The following ARHGAP39 variants were observed in gnomAD, a reference collection of about 807,000 sequenced individuals.
ARHGAP39 encodes the protein rho GTPase-activating protein 39.
A neutral mutation model predicts 106.9 loss-of-function variants in ARHGAP39; 44 were observed. The observed-to-expected ratio is 0.41, with a 90% CI of 0.32 to 0.53. The LOEUF is 0.53. Among genes scored for constraint, ARHGAP39 ranks in the 20% least tolerant of loss-of-function variants. The probability of loss-of-function intolerance (pLI) is 0.21; values close to 1 mark genes in which losing one functional copy is unlikely to be tolerated. For synonymous variants in ARHGAP39, 768 were observed against 693.2 expected, an observed-to-expected ratio of 1.11 and a Z score of -1.69; for missense variants, 1,496 against 1,577.3, an observed-to-expected ratio of 0.95 and a Z score of 0.87.
chr8:144,601,960 T>G (rs1819992103), intron 2 of ARHGAP39, among the ~76,000 whole-genome samples: 1 of 144,032 alleles, frequency 6.9e-6, no homozygotes. Context: ...CGTGTACCTG[T>G]GTTCATGTGC....
chr8:144,545,858 G>A (rs760348223), intron 5 of ARHGAP39, 48 bp from the exon 6 acceptor site: 109 of 1,438,876 alleles, frequency 7.6e-5, no homozygotes, highest in East Asian at 2.4e-4. Flanking sequence ...GGGAGGGCCA[G>A]GCAGGTGGGC....
chr8:144,533,465 T>C (rs1816816917), intron 8 of ARHGAP39, 140 bp from the exon 9 acceptor site: 2 of 864,678 alleles, frequency 2.3e-6, no homozygotes, highest in Admixed American at 4.5e-5. Context: ...CCGAGTGTGG[T>C]GTTTCCCCAG....
At position 144,530,882 on chromosome 8, in the gene ARHGAP39, A is replaced by C; in HGVS notation, c.2981-11T>G. 2 of 1,603,886 alleles carry C rather than the reference A, an allele frequency of 1.2e-6. No homozygotes were observed. The highest frequency in any genetic ancestry group is 1.7e-6 in the Non-Finnish European group (2 of 1,176,476). ...GCTTCAGCAGGGACGCTGGGGACAC[A>C]GCACGGGGCTCAGCGGCCCTGCTCG... On this transcript the variant is annotated splice_polypyrimidine_tract_variant and intron_variant, in intron 10 of 11. Coordinates refer to ENST00000377307, the MANE Select transcript of ARHGAP39 (RefSeq NM_025251.3).
intron 2 of ARHGAP39, among the ~76,000 whole-genome samples, chr8:144,600,719 CCT>C (rs1563697952): frequency 7.1e-6 from 1 of 140,886 alleles, no homozygotes; most frequent in East Asian, 2.3e-4. Context: ...CACTTGTGTA[CCT>C]GAGTGTGCGT....
At chr8:144,609,619 G>A (rs1183430323) in intron 1 of ARHGAP39, among the ~76,000 whole-genome samples, 1 of 151,970 alleles carries the variant, frequency 6.6e-6, no homozygotes, top group African/African-American at 2.4e-5. Flanking sequence ...GGCCAGGCTG[G>A]TCTTGAATTC....
rs540945844 is a variant in ARHGAP39, at chr8:144,537,879, C to T, written c.2522-66G>A. On this transcript the variant is annotated intron_variant, in intron 6 of 11. Transcript: ENST00000377307. ...GCCAGGAGCCAGCGCCCACTCAGCT[C>T]CCGCACTTGGCTGGTGAGCAGGCCC... 5.5e-6 allele frequency: 8 copies of T among 1,457,040 alleles called. No individual in the cohort carries two copies. In the South Asian group the frequency reaches 8.0e-5, roughly 15 times the overall value. The allele number at this position is 1,457,040 out of a possible 1,614,324, so 90.3% of individuals were successfully genotyped here. A position where few individuals can be genotyped will look rare whatever the true frequency, so the allele number is the denominator to read the frequency against.
intron 3 of ARHGAP39, among the ~76,000 whole-genome samples, chr8:144,566,024 G>A (rs1818382813): frequency 6.6e-6 from 1 of 151,730 alleles, no homozygotes; most frequent in Non-Finnish European, 1.5e-5. Flanking sequence ...AGCCCAGGAG[G>A]TTGACGCCGC....
Position 144,530,324 on chromosome 8 carries a change from T to C in ARHGAP39, c.*98A>G. ...GGGGGAGTGGAGGGGGCTCCAGGGC[T>C]GGGCCGGGCGATTCTGGCCCCTCTG... On this transcript the variant is annotated 3_prime_UTR_variant, in exon 12 of 12. Coordinates refer to ENST00000377307, the MANE Select transcript of ARHGAP39 (RefSeq NM_025251.3). 7.4e-7 allele frequency: 1 copy of C among 1,347,016 alleles called. No individual in the cohort carries two copies. The highest frequency in any genetic ancestry group is 1.0e-6 in the Non-Finnish European group (1 of 989,184). The allele number at this position is 1,347,016 out of a possible 1,614,324, so 83.4% of individuals were successfully genotyped here.
chr8:144,600,875 GC>G (rs1157409801), intron 2 of ARHGAP39, among the ~76,000 whole-genome samples: 5 of 151,146 alleles, frequency 3.3e-5, no homozygotes. Flanking sequence ...AAGCGTGCGT[GC>G]GTGCTCGTGT....
rs572520353 is a variant in ARHGAP39 at position 144,537,387 on chromosome 8, C to A, written c.2614+334G>T. Among the ~76,000 whole-genome samples, 47 of 152,250 alleles carry A rather than the reference C, an allele frequency of 3.1e-4. 1 individual carries two copies. The highest frequency in any genetic ancestry group is 1.1e-3 in the African/African-American group (47 of 41,552). ...CACCACACACCCCTCCACCTGCAAA[C>A]TTCCCTGTGGGGGTCAGGCCCAAAC... On this transcript the variant is annotated intron_variant, in intron 7 of 11. Coordinates refer to ENST00000377307, the MANE Select transcript of ARHGAP39 (RefSeq NM_025251.3).
chr8:144,593,819 G>T (rs1476270778), intron 2 of ARHGAP39, among the ~76,000 whole-genome samples: 1 of 152,188 alleles, frequency 6.6e-6, no homozygotes, highest in South Asian at 2.1e-4. Context: ...GCTGGGTGCC[G>T]TGGCTAACGC....
rs900324819 is a variant in ARHGAP39 at position 144,667,334 on chromosome 8, C to A, written c.-82+18352G>T. ...CACTCCTTCCCCCACAAGTGGTTTA[C>A]TTCCTTCACCTGCCCAAATGAAGTG... is the stretch of plus-strand genomic sequence containing the variant. On this transcript the variant is annotated intron_variant, in intron 1 of 11. Transcript: ENST00000377307. Among the ~76,000 whole-genome samples the A allele has an allele frequency of 2.6e-5, 4 of 152,180 alleles. No homozygotes were observed. In the East Asian group the frequency reaches 7.7e-4, roughly 29 times the overall value.
chr8:144,656,458 A>C (rs1229427833), intron 1 of ARHGAP39, among the ~76,000 whole-genome samples: 1 of 152,186 alleles, frequency 6.6e-6, no homozygotes, highest in Non-Finnish European at 1.5e-5. Context: ...GCTTCAAAAC[A>C]CATGGAAAAA....
intron 3 of ARHGAP39, among the ~76,000 whole-genome samples, chr8:144,573,167 A>C (rs1029170034): frequency 6.6e-6 from 1 of 152,252 alleles, no homozygotes; most frequent in Non-Finnish European, 1.5e-5. Context: ...TGTTTATTGA[A>C]GCACTAGTCA....
rs1022812263 is a variant in ARHGAP39, at chr8:144,645,434, C to T, written c.-81-39739G>A. ...TCCCGGCAGAGTCACTGATGGACTCCGTCAGGGCAGAGCCTCCCCGCCTCA... is the reference window on the plus strand; with the variant it reads ...TCCCGGCAGAGTCACTGATGGACTCTGTCAGGGCAGAGCCTCCCCGCCTCA... On this transcript the variant is annotated intron_variant, in intron 1 of 11. Coordinates refer to ENST00000377307, the MANE Select transcript of ARHGAP39 (RefSeq NM_025251.3). The surrounding 1 kb of genome is among the most constrained non-coding windows in gnomAD (Gnocchi z 4.4). 9.2e-5 allele frequency among the ~76,000 whole-genome samples: 14 copies of T among 152,004 alleles called. No homozygotes were observed. In the East Asian group the frequency reaches 1.4e-3, roughly 15 times the overall value.
rs923277365 is a variant in ARHGAP39, at chr8:144,604,176, G to A, written c.80+1359C>T. Among the ~76,000 whole-genome samples, 4 of 152,196 alleles carry A rather than the reference G, an allele frequency of 2.6e-5. No homozygotes were observed. The highest frequency in any genetic ancestry group is 4.4e-5 in the Non-Finnish European group (3 of 68,030). On this transcript the variant is annotated intron_variant, in intron 2 of 11. Transcript: ENST00000377307. This position sits in a 1 kb window ranked among gnomAD's most constrained non-coding sequence, Gnocchi z 4.1. ...CATCAGACACGGAGCCGGGCCCAGA[G>A]CGCCCAGAGGTGGCCGGGAGGCAGC... is the stretch of plus-strand genomic sequence containing the variant.
At chr8:144,687,604 T>C (rs74209634), upstream of ARHGAP39, among the ~76,000 whole-genome samples, 20 of 39,304 alleles carry the variant, frequency 5.1e-4, no homozygotes, top group Admixed American at 3.9e-3. Flanking sequence ...ACACTGGCGG[T>C]GAGCACTTCC....
chr8:144,572,342 C>T (rs59667431), intron 3 of ARHGAP39, among the ~76,000 whole-genome samples: 14,065 of 152,070 alleles, frequency 0.092, 1,527 homozygotes, highest in African/African-American at 0.26. Context: ...AACCATCTGA[C>T]CTTTGACAAA....
rs929660824 is a variant in ARHGAP39 at position 144,594,635 on chromosome 8, G to A, written c.80+10900C>T. On this transcript the variant is annotated intron_variant, in intron 2 of 11. Transcript: ENST00000377307. ...CTCGAACCCGGGAGGCGGATGTTGCGGTGAGCTGAGATTGTGCCACTGCAC... is the reference window on the plus strand; with the variant it reads ...CTCGAACCCGGGAGGCGGATGTTGCAGTGAGCTGAGATTGTGCCACTGCAC... 7.9e-5 allele frequency among the ~76,000 whole-genome samples: 12 copies of A among 151,732 alleles called. No individual in the cohort carries two copies. In the South Asian group the frequency reaches 1.7e-3, roughly 21 times the overall value.
Sources: allele counts gnomAD v4.1 joint callset (sites outside exome capture counted in the v4.1 genomes callset), GRCh38; gene constraint gnomAD v4.1.1; non-coding constraint Gnocchi (gnomAD v3.1); transcripts MANE v1.5; gene names NCBI Gene and HGNC (gene_info 2026-07-23, HGNC 2026-07-21).